Variants in SPAG16 observed in about 807,000 individuals in gnomAD.
The protein encoded by SPAG16 is sperm associated antigen 16, also known as sperm-associated antigen 16 protein.
Under a neutral mutation model 80.4 loss-of-function variants are expected in SPAG16, and 86 were observed. That is an observed-to-expected ratio of 1.07 (90% CI 0.90 to 1.28). SPAG16 has a LOEUF of 1.28. SPAG16 is among the 50% of genes most tolerant of loss of function. The probability of loss-of-function intolerance (pLI) is 0.00; values close to 1 mark genes in which losing one functional copy is unlikely to be tolerated. For synonymous variants in SPAG16, 294 were observed against 265.9 expected (o/e 1.11, Z -1.03); for missense variants, 870 against 765.3 (o/e 1.14, Z -1.61).
At chr2:214,136,088 G>A (rs1414153839) in intron 14 of SPAG16, among the ~76,000 whole-genome samples, 5 of 152,012 alleles carry the variant, frequency 3.3e-5, no homozygotes, top group African/African-American at 7.2e-5. Flanking sequence ...AAGAGAGAGG[G>A]GGTAGTGCCA....
In SPAG16 at chr2:214,410,357, T is replaced by A; in HGVS notation, c.*42T>A. ...CTGCAGAGGGCATTCCCTTTAAGGC[T>A]TGAAAATGCCTCCTGTAGTCCCAAA... is the stretch of plus-strand genomic sequence containing the variant. On this transcript the variant is annotated 3_prime_UTR_variant, in exon 16 of 16. Coordinates refer to ENST00000331683, the MANE Select transcript of SPAG16 (RefSeq NM_024532.5). 1.3e-6 allele frequency: 2 copies of A among 1,538,530 alleles called. No homozygotes were observed. The highest frequency in any genetic ancestry group is 1.8e-6 in the Non-Finnish European group (2 of 1,132,802).
At chr2:213,940,066 G>T (rs2106284023) in intron 12 of SPAG16, among the ~76,000 whole-genome samples, 1 of 151,988 alleles carries the variant, frequency 6.6e-6, no homozygotes, top group Admixed American at 6.6e-5. Context: ...AAAATTTATG[G>T]TAATTACATA....
At chr2:213,694,048 A>G (rs551374586) in intron 10 of SPAG16, among the ~76,000 whole-genome samples, 3 of 151,958 alleles carry the variant, frequency 2.0e-5, no homozygotes, top group South Asian at 2.1e-4. Context: ...AAGACAAAAA[A>G]AAAAAAGAAA....
intron 12 of SPAG16, among the ~76,000 whole-genome samples, chr2:214,008,452 T>G (rs1259184893): frequency 1.3e-5 from 2 of 151,876 alleles, no homozygotes. Flanking sequence ...AAAAAAAAAA[T>G]TACATGCTGG....
rs918837857 is a variant in SPAG16 at position 214,309,545 on chromosome 2, T to C, written c.1721-100595T>C. 3.3e-5 allele frequency among the ~76,000 whole-genome samples: 5 copies of C among 152,162 alleles called. No individual in the cohort carries two copies. The South Asian group carries it at 6.2e-4, about 19-fold the overall frequency. On this transcript the variant is annotated intron_variant, in intron 15 of 15. Coordinates refer to ENST00000331683, the MANE Select transcript of SPAG16 (RefSeq NM_024532.5). Reference sequence around the variant, plus strand: ...GCCTATCTACCTTCAATCTTTGAGGTTGCTGACCTTTGGATAGGTTTTTTT... The same window carrying C: ...GCCTATCTACCTTCAATCTTTGAGGCTGCTGACCTTTGGATAGGTTTTTTT...
intron 6 of SPAG16, among the ~76,000 whole-genome samples, chr2:213,346,177 CTGTT>C (rs1284171380): frequency 1.3e-5 from 2 of 152,060 alleles, no homozygotes; most frequent in Non-Finnish European, 2.9e-5. Flanking sequence ...ATTTGGCTCT[CTGTT>C]TGTCTGTTAT....
At chr2:213,294,505 AGT>A (rs1270683950) in intron 1 of SPAG16, among the ~76,000 whole-genome samples, 1 of 152,206 alleles carries the variant, frequency 6.6e-6, no homozygotes, top group Non-Finnish European at 1.5e-5. Context: ...ATAGACTGCA[AGT>A]ATGCAACTAT....
intron 9 of SPAG16, among the ~76,000 whole-genome samples, chr2:213,475,130 G>T (rs1211755050): frequency 1.3e-5 from 2 of 152,120 alleles, no homozygotes; most frequent in Admixed American, 6.6e-5. Context: ...GTCAGGATTC[G>T]ATTCCAAAGT....
At chr2:213,684,609 ATG>A (rs1317077952) in intron 10 of SPAG16, among the ~76,000 whole-genome samples, 1 of 152,228 alleles carries the variant, frequency 6.6e-6, no homozygotes, top group Non-Finnish European at 1.5e-5. Context: ...TATAAACTAT[ATG>A]TGTTAAATAA....
At chr2:214,180,434 A>G (rs945871687) in intron 15 of SPAG16, among the ~76,000 whole-genome samples, 1 of 151,754 alleles carries the variant, frequency 6.6e-6, no homozygotes, top group African/African-American at 2.4e-5. Context: ...ACTCAGATAT[A>G]TAGTCCTGTT....
chr2:213,726,584 C>T (rs1339856758), intron 10 of SPAG16, among the ~76,000 whole-genome samples: 2 of 152,158 alleles, frequency 1.3e-5, no homozygotes, highest in Non-Finnish European at 2.9e-5. Flanking sequence ...GGGAGCTCGC[C>T]GGTTTCTATC....
At chr2:214,341,143 G>A (rs910686860) in intron 15 of SPAG16, among the ~76,000 whole-genome samples, 2 of 152,122 alleles carry the variant, frequency 1.3e-5, no homozygotes, top group Non-Finnish European at 2.9e-5. Flanking sequence ...ACCGTCCTAG[G>A]TGGAAAGCTA....
At chr2:213,963,269 A>T (rs534038172) in intron 12 of SPAG16, among the ~76,000 whole-genome samples, 2 of 152,128 alleles carry the variant, frequency 1.3e-5, no homozygotes, top group South Asian at 4.1e-4. Flanking sequence ...ATGTGCTAAT[A>T]TTCCTGTGAT....
At chr2:213,898,592 T>TTAAAGACCAACAAAGTTTAAAGATTTA (rs2077089029) in intron 11 of SPAG16, among the ~76,000 whole-genome samples, 1 of 152,202 alleles carries the variant, frequency 6.6e-6, no homozygotes, top group Non-Finnish European at 1.5e-5. Flanking sequence ...TTAATGATTA[T>TTAAAGACCAACAAAGTTTAAAGATTTA]AAAATCTTTG....
At chr2:213,921,729 G>T (rs1218150715) in intron 11 of SPAG16, among the ~76,000 whole-genome samples, 3 of 152,126 alleles carry the variant, frequency 2.0e-5, no homozygotes, top group Non-Finnish European at 4.4e-5. Flanking sequence ...AGTTCTGGTG[G>T]TAATGAATTC....
intron 10 of SPAG16, among the ~76,000 whole-genome samples, chr2:213,526,653 C>G (rs2075898080): frequency 6.6e-6 from 1 of 152,140 alleles, no homozygotes; most frequent in Non-Finnish European, 1.5e-5. Context: ...CTTGAATTAT[C>G]TTCTCATATT....
chr2:214,369,359 C>T (rs1352973943), intron 15 of SPAG16, among the ~76,000 whole-genome samples: 3 of 151,684 alleles, frequency 2.0e-5, no homozygotes, highest in South Asian at 2.1e-4. Context: ...TGTAATGCTG[C>T]GAGCTTCAGT....
At chr2:214,196,914 T>G (rs1174781038) in intron 15 of SPAG16, among the ~76,000 whole-genome samples, 1 of 152,026 alleles carries the variant, frequency 6.6e-6, no homozygotes, top group Non-Finnish European at 1.5e-5. Context: ...CTTCAGAGTA[T>G]GTGCTTATAA....
chr2:213,872,475 A>T (rs925688098), intron 11 of SPAG16, among the ~76,000 whole-genome samples: 4 of 152,128 alleles, frequency 2.6e-5, no homozygotes, highest in African/African-American at 9.7e-5. Context: ...TTATTAATTT[A>T]AAAAATTTTA....
Sources: allele counts gnomAD v4.1 joint callset (sites outside exome capture counted in the v4.1 genomes callset), GRCh38; gene constraint gnomAD v4.1.1; transcripts MANE v1.5; gene names NCBI Gene and HGNC (gene_info 2026-07-23, HGNC 2026-07-21).